The following LOXL2 variants were observed in gnomAD, a reference collection of about 807,000 sequenced individuals.
LOXL2 encodes the protein lysyl oxidase homolog 2.
Under a neutral mutation model 93.0 loss-of-function variants are expected in LOXL2, and 70 were observed. That is an observed-to-expected ratio of 0.75 (90% CI 0.62 to 0.92). The LOEUF is 0.92. Among genes scored for constraint, LOXL2 ranks in the 40% least tolerant of loss-of-function variants. The pLI is 0.00. For missense variants in LOXL2, 973 were observed against 1,054.9 expected, an observed-to-expected ratio of 0.92 and a Z score of 1.08; for synonymous variants, 438 against 413.2, an observed-to-expected ratio of 1.06 and a Z score of -0.73.
At chr8:23,316,461 A>T (rs1052326107) in intron 9 of LOXL2, among the ~76,000 whole-genome samples, 2 of 152,102 alleles carry the variant, frequency 1.3e-5, no homozygotes, top group Non-Finnish European at 2.9e-5. Flanking sequence ...GGCTTCAGGA[A>T]GTGGGTCATC....
At chr8:23,341,397 T>C in intron 3 of LOXL2, 194 bp from the exon 4 acceptor site, 1 of 602,594 alleles carries the variant, frequency 1.7e-6, no homozygotes, top group Non-Finnish European at 3.0e-6. Context: ...GCGCTATGCA[T>C]GGGAGATAGT....
intron 5 of LOXL2, chr8:23,331,737 A>G (rs1299039015): frequency 7.5e-6 from 1 of 134,038 alleles, no homozygotes; most frequent in African/African-American, 2.8e-5. Context: ...TGGTTGGACT[A>G]CTTTACTTGT....
intron 12 of LOXL2, among the ~76,000 whole-genome samples, chr8:23,299,930 G>T (rs796191017): frequency 2.0e-5 from 3 of 152,248 alleles, no homozygotes; most frequent in African/African-American, 7.2e-5. Context: ...TGTTCTGGGG[G>T]CCTGCACCTG....
At chr8:23,350,403 C>T (rs1804073259) in intron 3 of LOXL2, among the ~76,000 whole-genome samples, 1 of 151,994 alleles carries the variant, frequency 6.6e-6, no homozygotes, top group South Asian at 2.1e-4. Flanking sequence ...ACATGGGGCT[C>T]TACTAAAAAT....
rs569353205 is a variant in LOXL2 at position 23,310,001 on chromosome 8, C to T, written c.1637-90G>A. 8.1e-6 allele frequency: 11 copies of T among 1,350,218 alleles called. No homozygotes were observed. The South Asian group carries it at 2.1e-4, about 26-fold the overall frequency. The allele number at this position is 1,350,218 out of a possible 1,614,324, so 83.6% of individuals were successfully genotyped here. A position where few individuals can be genotyped will look rare whatever the true frequency, so the allele number is the denominator to read the frequency against. On this transcript the variant is annotated intron_variant, in intron 9 of 13. Transcript: ENST00000389131. ...TCTTGAGCTGGGACAAACCCCCTCT[C>T]CTGCCTACCGCCACCTTCTGGAATG...
chr8:23,372,284 C>G (rs890441069), intron 1 of LOXL2, among the ~76,000 whole-genome samples: 1 of 150,666 alleles, frequency 6.6e-6, no homozygotes, highest in African/African-American at 2.5e-5. Flanking sequence ...GTGGCGCGAT[C>G]TCAGCTCACT....
chr8:23,377,621 T>A (rs1396971590), intron 1 of LOXL2, among the ~76,000 whole-genome samples: 1 of 152,218 alleles, frequency 6.6e-6, no homozygotes, highest in African/African-American at 2.4e-5. Flanking sequence ...ATCTGGGTGC[T>A]CCTGCATTGG....
rs566959054 is a variant in LOXL2 at position 23,305,443 on chromosome 8, G to A, written c.1881-2046C>T. On this transcript the variant is annotated intron_variant, in intron 10 of 13. Coordinates refer to ENST00000389131, the MANE Select transcript of LOXL2 (RefSeq NM_002318.3). ...CTCGCTTTGCCTCTTAGGCGTATGC[G>A]GTCATCCCTCCCTAGGGCCACATCT... Among the ~76,000 whole-genome samples, 15 of 152,184 alleles carry A rather than the reference G, an allele frequency of 9.9e-5. 1 individual carries two copies. Among genetic ancestry groups the A allele is most frequent in the African/African-American group, 1.2e-4 (5 of 41,534 alleles).
At chr8:23,356,797 ATCTCCATAGG>A (rs1804208439) in intron 3 of LOXL2, among the ~76,000 whole-genome samples, 1 of 152,160 alleles carries the variant, frequency 6.6e-6, no homozygotes, top group South Asian at 2.1e-4. Context: ...TAAGCCAGAC[ATCTCCATAGG>A]TTGCCCTCTC....
At chr8:23,357,057 A>AT (rs941413876) in intron 3 of LOXL2, among the ~76,000 whole-genome samples, 4 of 150,006 alleles carry the variant, frequency 2.7e-5, no homozygotes, top group Admixed American at 6.6e-5. Flanking sequence ...TCTCCAACAT[A>AT]TTTTTTTTCA....
chr8:23,300,105 C>T (rs544449922), intron 12 of LOXL2, among the ~76,000 whole-genome samples: 1 of 152,396 alleles, frequency 6.6e-6, no homozygotes, highest in South Asian at 2.1e-4. Context: ...GCCAAGGCCT[C>T]CAGCTGTGCA....
intron 1 of LOXL2, among the ~76,000 whole-genome samples, chr8:23,374,006 T>A (rs1335097108): frequency 6.6e-6 from 1 of 152,146 alleles, no homozygotes; most frequent in African/African-American, 2.4e-5. Flanking sequence ...ACATGCAGGT[T>A]TGTTACATAT....
intron 1 of LOXL2, among the ~76,000 whole-genome samples, chr8:23,388,314 A>T (rs1305913981): frequency 6.6e-6 from 1 of 152,172 alleles, no homozygotes; most frequent in Non-Finnish European, 1.5e-5. Context: ...CTGGGTGCTC[A>T]TGCCTGTAAT....
At chr8:23,381,095 CTT>C (rs55908148) in intron 1 of LOXL2, among the ~76,000 whole-genome samples, 1 of 145,184 alleles carries the variant, frequency 6.9e-6, no homozygotes, top group Non-Finnish European at 1.5e-5. Flanking sequence ...CCTCTCCAGT[CTT>C]TTTTTTTTTT....
intron 2 of LOXL2, chr8:23,363,467 T>C (rs931309294): frequency 6.6e-6 from 1 of 152,194 alleles, no homozygotes; most frequent in Admixed American, 6.5e-5. Context: ...TCGATTGCTG[T>C]CTCAACAACA....
chr8:23,366,975 G>C (rs56021311), intron 2 of LOXL2, among the ~76,000 whole-genome samples: 32,825 of 152,122 alleles, frequency 0.22, 3,837 homozygotes, highest in Admixed American at 0.28. Context: ...GGTCAGTACA[G>C]ACTGAGCTCT....
chr8:23,354,932 A>AATATATATATATATATATATAT (rs770424807), intron 3 of LOXL2, among the ~76,000 whole-genome samples: 9 of 59,188 alleles, frequency 1.5e-4, no homozygotes, highest in South Asian at 1.4e-3. Context: ...TGGGAGTTGG[A>AATATATATATATATATATATAT]ATATATATAT....
intron 1 of LOXL2, among the ~76,000 whole-genome samples, chr8:23,380,995 ACT>A (rs1261242834): frequency 6.6e-6 from 1 of 151,918 alleles, no homozygotes. Flanking sequence ...ACAGAGAGAG[ACT>A]CTGTCTCAGA....
intron 3 of LOXL2, among the ~76,000 whole-genome samples, chr8:23,344,064 C>T (rs1001368269): frequency 6.6e-6 from 1 of 152,224 alleles, no homozygotes; most frequent in African/African-American, 2.4e-5. Context: ...CAGCACCTGG[C>T]CACCACAGGA....
Sources: gnomAD v4.1 joint callset for allele counts (sites outside exome capture counted in the v4.1 genomes callset) on GRCh38, gnomAD v4.1.1 for gene constraint, MANE v1.5 for transcripts, NCBI Gene and HGNC (gene_info 2026-07-23, HGNC 2026-07-21) for gene names.